ATAD1: variants seen among roughly 807,000 people sequenced by gnomAD.
The protein encoded by ATAD1 is outer mitochondrial transmembrane helix translocase.
A neutral mutation model predicts 42.7 loss-of-function variants in ATAD1; 18 were observed. The ratio of observed to expected loss-of-function variants is 0.42; its 90% confidence interval spans 0.29 to 0.63. The LOEUF is 0.63. Ranked by LOEUF, ATAD1 falls within the 20% of genes least tolerant of loss-of-function variation. The probability of loss-of-function intolerance (pLI) is 0.19; values close to 1 mark genes in which losing one functional copy is unlikely to be tolerated. For synonymous variants in ATAD1, 132 were observed against 143.1 expected, an observed-to-expected ratio of 0.92 and a Z score of 0.55; for missense variants, 294 against 440.4, an observed-to-expected ratio of 0.67 and a Z score of 2.98.
At chr10:87,811,085 C>A (rs1297851937) in intron 2 of ATAD1, among the ~76,000 whole-genome samples, 4 of 152,150 alleles carry the variant, frequency 2.6e-5, no homozygotes, top group African/African-American at 9.7e-5. Flanking sequence ...GTAATCTCAG[C>A]ACTTTGGGAG....
intron 2 of ATAD1, among the ~76,000 whole-genome samples, chr10:87,805,190 T>C (rs1234706921): frequency 2.0e-5 from 3 of 152,196 alleles, no homozygotes; most frequent in Non-Finnish European, 2.9e-5. Flanking sequence ...AAGTCACACC[T>C]TCCTCCTCCC....
chr10:87,755,196 C>T (rs966894684), intron 9 of ATAD1, among the ~76,000 whole-genome samples: 1 of 152,074 alleles, frequency 6.6e-6, no homozygotes, highest in African/African-American at 2.4e-5. Flanking sequence ...CACGTTATTC[C>T]CATGAAAACT....
At chr10:87,833,871 T>C (rs1466033506) in intron 1 of ATAD1, among the ~76,000 whole-genome samples, 2 of 151,854 alleles carry the variant, frequency 1.3e-5, no homozygotes, top group Non-Finnish European at 2.9e-5. Context: ...ACTACAGTCA[T>C]GTGCCACCAC....
intron 7 of ATAD1, among the ~76,000 whole-genome samples, chr10:87,768,804 C>T (rs1049327013): frequency 6.6e-6 from 1 of 152,186 alleles, no homozygotes; most frequent in African/African-American, 2.4e-5. Context: ...CCATAGCTGG[C>T]CAGCCACAGT....
At chr10:87,818,326 G>A (rs1857532619), upstream of ATAD1, 1 of 923,930 alleles carries the variant, frequency 1.1e-6, no homozygotes, top group Non-Finnish European at 1.3e-6. Flanking sequence ...GTGCTCCCAG[G>A]CTTAGAAACA....
intron 1 of ATAD1, among the ~76,000 whole-genome samples, chr10:87,833,251 A>ATTG (rs536200334): frequency 5.1e-4 from 78 of 152,304 alleles, no homozygotes; most frequent in African/African-American, 1.8e-3. Flanking sequence ...TGTAAATGGT[A>ATTG]TTGTTTAAAA....
At chr10:87,816,201 A>G (rs1857408020) in intron 1 of ATAD1, among the ~76,000 whole-genome samples, 1 of 152,160 alleles carries the variant, frequency 6.6e-6, no homozygotes, top group Non-Finnish European at 1.5e-5. Context: ...ACAGACGTTT[A>G]TAATTGCCAC....
intron 6 of ATAD1, among the ~76,000 whole-genome samples, chr10:87,772,514 G>C (rs1307495686): frequency 1.3e-5 from 2 of 151,930 alleles, no homozygotes; most frequent in Admixed American, 6.6e-5. Flanking sequence ...TGAACTAAAA[G>C]CATAAGATAA....
chr10:87,769,947 A>G (rs1292302862), intron 7 of ATAD1, among the ~76,000 whole-genome samples: 3 of 150,092 alleles, frequency 2.0e-5, no homozygotes, highest in Non-Finnish European at 4.5e-5. Context: ...GTCTCAAAGA[A>G]AAAAAAAAAA....
At chr10:87,834,576 C>T (rs975262704) in intron 1 of ATAD1, among the ~76,000 whole-genome samples, 4 of 152,024 alleles carry the variant, frequency 2.6e-5, no homozygotes, top group Admixed American at 2.6e-4. Flanking sequence ...TTGAGTTGTT[C>T]GTAGTATTTC....
chr10:87,834,052 T>C (rs1358867152), intron 1 of ATAD1, among the ~76,000 whole-genome samples: 1 of 152,220 alleles, frequency 6.6e-6, no homozygotes, highest in Non-Finnish European at 1.5e-5. Context: ...GGTATGGTCA[T>C]GTAGCTTTTC....
At chr10:87,783,837 T>A (rs945774949) in intron 5 of ATAD1, among the ~76,000 whole-genome samples, 7 of 151,812 alleles carry the variant, frequency 4.6e-5, no homozygotes, top group African/African-American at 1.4e-4. Flanking sequence ...AGAACATTTA[T>A]GGGGATAGTG....
chr10:87,818,298 C>T (rs1034405862), upstream of ATAD1: 108 of 981,302 alleles, frequency 1.1e-4, no homozygotes, highest in Non-Finnish European at 1.2e-4. Context: ...GACCCGCGGT[C>T]GCCGGCGCGG....
chr10:87,812,018 A>G (rs1005488059), intron 2 of ATAD1, among the ~76,000 whole-genome samples: 15 of 152,168 alleles, frequency 9.9e-5, no homozygotes, highest in Non-Finnish European at 1.9e-4. Context: ...CCACATCATC[A>G]CAAAGTCCTT....
At chr10:87,810,407 C>T (rs1450048965) in intron 2 of ATAD1, among the ~76,000 whole-genome samples, 1 of 151,770 alleles carries the variant, frequency 6.6e-6, no homozygotes, top group Non-Finnish European at 1.5e-5. Flanking sequence ...CTTCTATATC[C>T]TTAATTTTTA....
At chr10:87,790,471 T>C (rs771533439) in intron 3 of ATAD1, 41 bp from the exon 4 acceptor site, 3 of 1,553,532 alleles carry the variant, frequency 1.9e-6, no homozygotes, top group Admixed American at 4.4e-5. Context: ...ACTACAAATG[T>C]ACACTCACTA....
chr10:87,837,154 A>G lies in ATAD1; in HGVS notation c.-14+4033T>C, dbSNP rs1002793657. On this transcript the variant is annotated intron_variant, in intron 1 of 4. Coordinates refer to the ATAD1 transcript ENST00000495903. The stretch of plus-strand genomic sequence containing the variant: ...CTATAGCATCCTGGCATTGTCCTCT[A>G]TTGTCTTTTCCTAGGTGAGCTGAGA... 2.0e-4 allele frequency among the ~76,000 whole-genome samples: 30 copies of G among 152,036 alleles called. 1 individual carries two copies. The highest frequency in any genetic ancestry group is 1.7e-3 in the Admixed American group (26 of 15,256).
intron 2 of ATAD1, among the ~76,000 whole-genome samples, chr10:87,814,207 T>C (rs548162265): frequency 2.6e-5 from 4 of 152,278 alleles, no homozygotes; most frequent in Non-Finnish European, 4.4e-5. Context: ...CAATATTTTA[T>C]TGTTTATTCA....
chr10:87,815,634 T>C (rs375233959), intron 1 of ATAD1, among the ~76,000 whole-genome samples: 1 of 152,016 alleles, frequency 6.6e-6, no homozygotes, highest in African/African-American at 2.4e-5. Context: ...GCTCTAAAAT[T>C]CTCCTCTCAC....
Sources: gnomAD v4.1 joint callset for allele counts (sites outside exome capture counted in the v4.1 genomes callset) on GRCh38, gnomAD v4.1.1 for gene constraint, MANE v1.5 for transcripts, NCBI Gene and HGNC (gene_info 2026-07-23, HGNC 2026-07-21) for gene names.